Variants in MCC observed in about 807,000 individuals in gnomAD.
The protein encoded by MCC is colorectal mutant cancer protein.
Under a neutral mutation model 116.2 loss-of-function variants are expected in MCC, and 90 were observed. That is an observed-to-expected ratio of 0.77 (90% confidence interval 0.65 to 0.92). The LOEUF (loss-of-function observed/expected upper bound fraction) is 0.92. MCC is among the 40% of genes least tolerant of loss of function. MCC has a pLI of 0.00. For missense variants in MCC, 1,516 were observed against 1,312.2 expected (o/e 1.16, Z -2.40); for synonymous variants, 578 against 510.5 (o/e 1.13, Z -1.78).
At chr5:113,059,584 CTG>C (rs1753074163) in intron 14 of MCC, among the ~76,000 whole-genome samples, 1 of 152,386 alleles carries the variant, frequency 6.6e-6, no homozygotes, top group African/African-American at 2.4e-5. Flanking sequence ...AGGAGCCTGT[CTG>C]TGTTCTCTGA....
chr5:113,391,445 T>C (rs745509288), intron 1 of MCC, among the ~76,000 whole-genome samples: 39 of 152,128 alleles, frequency 2.6e-4, no homozygotes, highest in Non-Finnish European at 4.9e-4. Context: ...TTGGGCATAG[T>C]GGTTCATGCC....
At chr5:113,303,160 A>C (rs559867330) in intron 3 of MCC, among the ~76,000 whole-genome samples, 1 of 152,224 alleles carries the variant, frequency 6.6e-6, no homozygotes, top group Non-Finnish European at 1.5e-5. Flanking sequence ...AGGGGATGTC[A>C]ATAGCAGTTG....
At chr5:113,487,810 C>T (rs1299007964) in intron 1 of MCC, among the ~76,000 whole-genome samples, 3 of 152,210 alleles carry the variant, frequency 2.0e-5, no homozygotes, top group Admixed American at 2.0e-4. Context: ...TCATCTCCTC[C>T]CGGTGCGGCC....
chr5:113,393,674 A>G (rs1379327358), intron 1 of MCC, among the ~76,000 whole-genome samples: 1 of 152,208 alleles, frequency 6.6e-6, no homozygotes, highest in African/African-American at 2.4e-5. Context: ...ACAGTAGTCT[A>G]ATTCCCTACA....
At chr5:113,392,160 G>A (rs542481689) in intron 1 of MCC, among the ~76,000 whole-genome samples, 1 of 152,156 alleles carries the variant, frequency 6.6e-6, no homozygotes, top group Non-Finnish European at 1.5e-5. Context: ...GAGGCCAGGA[G>A]TTCAAGGCCA....
chr5:113,194,720 A>G (rs2416315), intron 3 of MCC, among the ~76,000 whole-genome samples: 85,143 of 151,904 alleles, frequency 0.56, 26,014 homozygotes, highest in Admixed American at 0.71. Flanking sequence ...AAAGGGGAAG[A>G]GAAGAGGCCT....
chr5:113,392,825 G>A (rs991054546), intron 1 of MCC, among the ~76,000 whole-genome samples: 1 of 152,100 alleles, frequency 6.6e-6, no homozygotes, highest in South Asian at 2.1e-4. Flanking sequence ...GAGGAACAGA[G>A]ATGTTAAATA....
At position 113,085,323 on chromosome 5, in the gene MCC, T is replaced by G; in HGVS notation, c.1399-13A>C. 1 of 1,603,194 alleles carries G rather than the reference T, an allele frequency of 6.2e-7. No individual in the cohort carries two copies. The highest frequency in any genetic ancestry group is 1.3e-5 in the African/African-American group (1 of 74,824). ...GAAGCTCTCTGACCTGAAATCATAA[T>G]GCTTTTAGACATAGTTGGTGGTTTC... On this transcript the variant is annotated splice_polypyrimidine_tract_variant and intron_variant, in intron 8 of 18. Transcript: ENST00000408903.
intron 3 of MCC, among the ~76,000 whole-genome samples, chr5:113,228,789 C>A (rs546898388): frequency 1.3e-5 from 2 of 152,048 alleles, no homozygotes; most frequent in African/African-American, 2.4e-5. Flanking sequence ...ACAAGAAACA[C>A]GGAGCAAATA....
intron 3 of MCC, among the ~76,000 whole-genome samples, chr5:113,270,249 C>A (rs183133126): frequency 3.3e-4 from 50 of 152,206 alleles, no homozygotes; most frequent in African/African-American, 1.2e-3. Context: ...AGTTCTAAGT[C>A]AGTAATGAAT....
rs1760268264 is a variant in MCC at position 113,157,997 on chromosome 5, T to C, written c.628-6575A>G. Among the ~76,000 whole-genome samples, 3 of 152,160 alleles carry C rather than the reference T, an allele frequency of 2.0e-5. No homozygotes were observed. The South Asian group carries it at 6.2e-4, about 32-fold the overall frequency. On this transcript the variant is annotated intron_variant, in intron 3 of 18. Coordinates refer to ENST00000408903, the MANE Select transcript of MCC (RefSeq NM_001085377.2). ...CATTTGATGTGATAACCCAGCTGGC[T>C]AATGGGTGGGGAGCACAGACAGTGC...
At chr5:113,242,458 G>T (rs969745239) in intron 3 of MCC, among the ~76,000 whole-genome samples, 4 of 151,260 alleles carry the variant, frequency 2.6e-5, no homozygotes, top group African/African-American at 9.7e-5. Flanking sequence ...AAATTAACTG[G>T]AAAAAAAATT....
chr5:113,300,139 C>G (rs551798210), intron 3 of MCC, among the ~76,000 whole-genome samples: 2 of 152,152 alleles, frequency 1.3e-5, no homozygotes, highest in African/African-American at 4.8e-5. Flanking sequence ...TATTCTGGGT[C>G]TGGTCTGTAC....
At chr5:113,236,449 ACTAG>A (rs1314059449) in intron 3 of MCC, among the ~76,000 whole-genome samples, 1 of 152,182 alleles carries the variant, frequency 6.6e-6, no homozygotes, top group Non-Finnish European at 1.5e-5. Context: ...TGTATTACTT[ACTAG>A]CTATTTGACT....
intron 3 of MCC, among the ~76,000 whole-genome samples, chr5:113,326,250 G>C (rs1767549324): frequency 6.6e-6 from 1 of 152,128 alleles, no homozygotes; most frequent in South Asian, 2.1e-4. Context: ...AGAAAAGTTA[G>C]GACACATAAC....
In MCC at chr5:113,434,894, T is replaced by C. The variant is rs993484697; in HGVS notation, c.171-49682A>G. 6 of 1,560,826 alleles carry C rather than the reference T, an allele frequency of 3.8e-6. No homozygotes were observed. In the African/African-American group the frequency reaches 4.1e-5, roughly 11 times the overall value. On this transcript the variant is annotated intron_variant, in intron 1 of 18. Transcript: ENST00000408903. The surrounding 1 kb of genome is among the most constrained non-coding windows in gnomAD (Gnocchi z 4.2). The stretch of plus-strand genomic sequence containing the variant: ...CTGCCCTCTACAGCCCCGAGGCGCA[T>C]GGGCCAGCAGTGTGCTCATTTACAT...
chr5:113,078,242 A>G (rs1422986015), intron 11 of MCC, among the ~76,000 whole-genome samples: 5 of 152,238 alleles, frequency 3.3e-5, no homozygotes, highest in African/African-American at 1.2e-4. Flanking sequence ...AGAAGCTGGT[A>G]TCATTCCTTC....
At chr5:113,145,765 CACACACACACACACACACAA>C (rs879452160) in intron 4 of MCC, among the ~76,000 whole-genome samples, 17,128 of 53,636 alleles carry the variant, frequency 0.32, 1,235 homozygotes, top group South Asian at 0.37. Flanking sequence ...CACACACACA[CACACACACACACACACACAA>C]ACACACACAC....
intron 2 of MCC, among the ~76,000 whole-genome samples, chr5:113,355,044 T>C (rs191346657): frequency 9.7e-4 from 148 of 152,134 alleles, no homozygotes; most frequent in Non-Finnish European, 1.5e-3. Context: ...TATTAATGAC[T>C]GAAGAAGGAA....
Sources: gnomAD v4.1 joint callset for allele counts (sites outside exome capture counted in the v4.1 genomes callset) on GRCh38, gnomAD v4.1.1 for gene constraint, Gnocchi (gnomAD v3.1) non-coding constraint, MANE v1.5 for transcripts, NCBI Gene and HGNC (gene_info 2026-07-23, HGNC 2026-07-21) for gene names.